CA1: variants seen among roughly 807,000 people sequenced by gnomAD.
CA1 encodes the protein carbonic anhydrase 1.
In CA1, 27 loss-of-function variants were observed where a neutral mutation model predicts 28.8. The ratio of observed to expected loss-of-function variants is 0.94; its 90% CI spans 0.69 to 1.29. CA1 has a LOEUF of 1.29. CA1 is among the 50% of genes most tolerant of loss of function. CA1 has a pLI of 0.00. For synonymous variants in CA1, 121 were observed against 108.8 expected, an observed-to-expected ratio of 1.11 and a Z score of -0.70; for missense variants, 335 against 310.5, an observed-to-expected ratio of 1.08 and a Z score of -0.59.
chr8:85,350,704 G>T (rs1168615303), intron 1 of CA1, among the ~76,000 whole-genome samples: 1 of 152,088 alleles, frequency 6.6e-6, no homozygotes, highest in Non-Finnish European at 1.5e-5. Context: ...CACCTCCCCA[G>T]GTTCGAGTCA....
At chr8:85,357,596 G>A (rs1324692291) in intron 1 of CA1, among the ~76,000 whole-genome samples, 1 of 152,186 alleles carries the variant, frequency 6.6e-6, no homozygotes, top group Non-Finnish European at 1.5e-5. Context: ...CAAATTTGAA[G>A]GTAGCAGGGA....
At chr8:85,337,110 T>C in intron 3 of CA1, 47 bp from the exon 4 acceptor site, 1 of 1,025,330 alleles carries the variant, frequency 9.8e-7, no homozygotes, top group Non-Finnish European at 1.6e-6. Flanking sequence ...CCACAAACTC[T>C]AGCTTATCTT....
At chr8:85,355,089 T>A (rs1019427715) in intron 1 of CA1, among the ~76,000 whole-genome samples, 1 of 152,114 alleles carries the variant, frequency 6.6e-6, no homozygotes, top group African/African-American at 2.4e-5. Context: ...CAGCTTCTAC[T>A]CCAGTACCCT....
chr8:85,338,816 C>T (rs966891395), intron 2 of CA1, among the ~76,000 whole-genome samples: 8 of 150,890 alleles, frequency 5.3e-5, no homozygotes, highest in African/African-American at 1.9e-4. Context: ...CAAGCTCAAG[C>T]GATTCTCATG....
chr8:85,343,445 G>T (rs74735542), intron 1 of CA1, among the ~76,000 whole-genome samples: 2,660 of 152,190 alleles, frequency 0.017, 33 homozygotes, highest in Non-Finnish European at 0.028. Flanking sequence ...TTTTCTGGAG[G>T]ATTGGATTAG....
rs192766128 is a variant in CA1, at chr8:85,348,439, A to C, written c.-24-6780T>G. 3.3e-3 allele frequency among the ~76,000 whole-genome samples: 496 copies of C among 152,334 alleles called. 5 individuals carry two copies. The highest frequency in any genetic ancestry group is 0.011 in the African/African-American group (473 of 41,574). On this transcript the variant is annotated intron_variant, in intron 1 of 7. Transcript: ENST00000523022. ...CAGTTGTTGCCTGCAGGAGATTGTC[A>C]TTTTAATTTACTCTGATCTTTGTCT...
intron 1 of CA1, among the ~76,000 whole-genome samples, chr8:85,362,718 C>A (rs1344376746): frequency 5.9e-5 from 9 of 152,144 alleles, no homozygotes; most frequent in Admixed American, 5.9e-4. Flanking sequence ...AGTTTCATTA[C>A]TAAAGCATAT....
chr8:85,338,144 A>G (rs1564024328), intron 3 of CA1, 108 bp downstream of exon 3: 1 of 1,011,520 alleles, frequency 9.9e-7, no homozygotes, highest in Non-Finnish European at 1.6e-6. Flanking sequence ...GCAATGCTGC[A>G]CACAAGCACA....
chr8:85,366,221 C>T (rs898449915), intron 1 of CA1, among the ~76,000 whole-genome samples: 1 of 149,788 alleles, frequency 6.7e-6, no homozygotes, highest in African/African-American at 2.5e-5. Flanking sequence ...CTATGTTGCC[C>T]AGGCTGGTTT....
chr8:85,355,003 T>C (rs894044531), intron 1 of CA1, among the ~76,000 whole-genome samples: 5 of 152,322 alleles, frequency 3.3e-5, no homozygotes, highest in Middle Eastern at 3.4e-3. Flanking sequence ...GTTGGTCTTA[T>C]GTAACAGCCA....
chr8:85,353,316 C>T (rs1023299040), intron 1 of CA1, among the ~76,000 whole-genome samples: 17 of 152,198 alleles, frequency 1.1e-4, no homozygotes, highest in East Asian at 5.8e-4. Context: ...TTTTGTTGGA[C>T]GGGTACTATG....
intron 1 of CA1, among the ~76,000 whole-genome samples, chr8:85,366,164 C>CA (rs1564048080): frequency 2.6e-5 from 3 of 113,504 alleles, no homozygotes; most frequent in South Asian, 2.9e-4. Flanking sequence ...TCTTTCTTCC[C>CA]CTTTTTTTTT....
intron 1 of CA1, among the ~76,000 whole-genome samples, chr8:85,351,426 T>A (rs371602864): frequency 6.6e-6 from 1 of 152,222 alleles, no homozygotes; most frequent in Admixed American, 6.5e-5. Context: ...TAATGAAGTT[T>A]GCAGAAAAGA....
intron 1 of CA1, among the ~76,000 whole-genome samples, chr8:85,350,801 G>T (rs949109381): frequency 1.3e-5 from 2 of 152,240 alleles, no homozygotes; most frequent in South Asian, 4.2e-4. Flanking sequence ...TTAGAATGAA[G>T]CTTATGAATG....
intron 7 of CA1, among the ~76,000 whole-genome samples, chr8:85,329,188 CAT>C (rs1808294145): frequency 6.6e-6 from 1 of 152,094 alleles, no homozygotes; most frequent in Non-Finnish European, 1.5e-5. Flanking sequence ...GCTAATAAAA[CAT>C]ATGTAAGGCA....
intron 2 of CA1, chr8:85,341,392 G>A (rs536959837): frequency 1.5e-5 from 7 of 473,682 alleles, no homozygotes; most frequent in Admixed American, 3.5e-5. Flanking sequence ...AGGTATGCCT[G>A]TATATATATA....
At chr8:85,374,014 G>T (rs1279115133) in intron 1 of CA1, among the ~76,000 whole-genome samples, 1 of 152,056 alleles carries the variant, frequency 6.6e-6, no homozygotes, top group African/African-American at 2.4e-5. Flanking sequence ...CGCGATGGGG[G>T]TTGCACAGCA....
At chr8:85,372,473 A>G (rs953626710) in intron 1 of CA1, among the ~76,000 whole-genome samples, 2 of 152,194 alleles carry the variant, frequency 1.3e-5, no homozygotes, top group Non-Finnish European at 2.9e-5. Context: ...TTCTGAGTAT[A>G]TATCTGAAAG....
Position 85,339,535 on chromosome 8 carries a change from C to T in CA1, c.38-1086G>A, listed in dbSNP as rs117038893. On this transcript the variant is annotated intron_variant, in intron 2 of 7. Transcript: ENST00000523022. ...TATTGAAATTAATCTGTTTAATAAC[C>T]CTACAATGACCTGTAAGTACTCCAG... Among the ~76,000 whole-genome samples the T allele has an allele frequency of 6.5e-3, 985 of 152,194 alleles. 6 individuals carry two copies. Among genetic ancestry groups the T allele is most frequent in the African/African-American group, 0.013 (560 of 41,532 alleles).
Sources: gnomAD v4.1 joint callset for allele counts (sites outside exome capture counted in the v4.1 genomes callset) on GRCh38, gnomAD v4.1.1 for gene constraint, MANE v1.5 for transcripts, NCBI Gene and HGNC (gene_info 2026-07-23, HGNC 2026-07-21) for gene names.